PATE3: variants seen among roughly 807,000 people sequenced by gnomAD.
The protein encoded by PATE3 is prostate and testis expressed protein 3.
PATE3 carries 7 observed loss-of-function variants against 7.4 expected under a neutral mutation model. That is an observed-to-expected ratio of 0.95 (90% confidence interval 0.54 to 1.78). The LOEUF is 1.78. PATE3 is among the 40% of genes most tolerant of loss of function. The pLI is 0.00. For missense variants in PATE3, 117 were observed against 122.5 expected, an observed-to-expected ratio of 0.96 and a Z score of 0.21; for synonymous variants, 38 against 40.2, an observed-to-expected ratio of 0.94 and a Z score of 0.21.
rs1044557298 is a variant in PATE3, at chr11:125,790,872, C to T, written c.*270C>T. 3.6e-6 allele frequency: 1 copy of T among 280,552 alleles called. No individual in the cohort carries two copies. Among genetic ancestry groups the T allele is most frequent in the African/African-American group, 2.2e-5 (1 of 45,916 alleles). 17.4% of individuals were successfully genotyped at this position (280,552 alleles called of 1,614,324 possible). ...TCCAAGAAACCTGCCCCAAGAGTTC[C>T]TGTACAGTAAAATTTAAAGCAGGAA... is the stretch of plus-strand genomic sequence containing the variant. On this transcript the variant is annotated 3_prime_UTR_variant, in exon 3 of 3. Transcript: ENST00000445202.
chr11:125,788,428 T>G (rs1943582703), intron 1 of PATE3, among the ~76,000 whole-genome samples: 1 of 152,052 alleles, frequency 6.6e-6, no homozygotes, highest in African/African-American at 2.4e-5. Flanking sequence ...CCCTTTTAAC[T>G]CATTTTCTCC....
chr11:125,790,556 A>C lies in PATE3; in HGVS notation c.251A>C (p.Tyr84Ser), dbSNP rs970702229. The C allele has an allele frequency of 6.4e-7, 1 of 1,551,266 alleles. No homozygotes were observed. The highest frequency in any genetic ancestry group is 1.4e-5 in the African/African-American group (1 of 73,026). The change falls in exon 3 of 3, where the codon TAT becomes TCT. Residue 84 changes from tyrosine (Y) to serine (S), a missense_variant. Transcript: ENST00000445202. ...ACATTTGATCTCAGGAATCGGACTTATGTTCATACATGCTGCAACTACAAT... is the reference window on the plus strand; with the variant it reads ...ACATTTGATCTCAGGAATCGGACTTCTGTTCATACATGCTGCAACTACAAT... ...DMTFDLRNRT[Y>S]VHTCCNYNYC...
At chr11:125,788,265 T>C in intron 1 of PATE3, 65 bp downstream of exon 1, 3 of 1,431,322 alleles carry the variant, frequency 2.1e-6, no homozygotes, top group South Asian at 2.5e-5. Flanking sequence ...GGAAACTACA[T>C]GTGTAGCATG....
intron 2 of PATE3, among the ~76,000 whole-genome samples, chr11:125,790,152 G>A (rs898950161): frequency 6.6e-6 from 1 of 152,206 alleles, no homozygotes; most frequent in African/African-American, 2.4e-5. Context: ...GTGGTGGAAG[G>A]AGAGGATGAA....
intron 1 of PATE3, 115 bp from the exon 2 acceptor site, chr11:125,789,271 T>C: frequency 1.8e-6 from 2 of 1,084,198 alleles, no homozygotes; most frequent in Non-Finnish European, 1.3e-6. Context: ...AACCAGTAGC[T>C]CTTCATCTGC....
chr11:125,790,360 G>A (rs962750225), intron 2 of PATE3, 118 bp from the exon 3 acceptor site: 13 of 1,012,706 alleles, frequency 1.3e-5, no homozygotes, highest in Non-Finnish European at 1.8e-5. Flanking sequence ...TATAAGCTGG[G>A]AAGCCATTCC....
chr11:125,789,381 T>C lies in PATE3; in HGVS notation c.50-5T>C. The C allele has an allele frequency of 1.9e-6, 3 of 1,551,034 alleles. No homozygotes were observed. The highest frequency in any genetic ancestry group is 2.6e-6 in the Non-Finnish European group (3 of 1,146,486). Reference sequence around the variant, plus strand: ...AGTCTCACACCATCTCTATGCTCTCTCCAGCAGTGACATCACTTCAGTGCA... The same window carrying C: ...AGTCTCACACCATCTCTATGCTCTCCCCAGCAGTGACATCACTTCAGTGCA... On this transcript the variant is annotated splice_region_variant and splice_polypyrimidine_tract_variant and intron_variant, in intron 1 of 2. Coordinates refer to ENST00000445202, the MANE Select transcript of PATE3 (RefSeq NM_001129883.4).
intron 1 of PATE3, among the ~76,000 whole-genome samples, chr11:125,788,946 T>A (rs974676947): frequency 6.6e-6 from 1 of 152,210 alleles, no homozygotes; most frequent in Non-Finnish European, 1.5e-5. Flanking sequence ...TTATTGATGA[T>A]GCCTTTATGT....
In PATE3 at chr11:125,790,965, A is replaced by G. The variant is rs924289943; in HGVS notation, c.*363A>G. 7 of 160,778 alleles carry G rather than the reference A, an allele frequency of 4.4e-5. No individual in the cohort carries two copies. Among genetic ancestry groups the G allele is most frequent in the African/African-American group, 1.7e-4 (7 of 41,800 alleles). The allele number at this position is 160,778 out of a possible 1,614,324, so 10.0% of individuals were successfully genotyped here. A position where few individuals can be genotyped will look rare whatever the true frequency, so the allele number is the denominator to read the frequency against. On this transcript the variant is annotated 3_prime_UTR_variant, in exon 3 of 3. Transcript: ENST00000445202. ...GAAAGCCTTCAGCTAAAAATTCACA[A>G]TATTTTTATCTAAAATTCCCATGTA...
chr11:125,788,234 A>G, intron 1 of PATE3, 34 bp downstream of exon 1: 1 of 1,537,100 alleles, frequency 6.5e-7, no homozygotes, highest in South Asian at 1.2e-5. Context: ...TACTTGAGAG[A>G]CAGGATCTAG....
Position 125,788,207 on chromosome 11 carries a change from C to G in PATE3, c.49+7C>G, listed in dbSNP as rs1332493424. On this transcript the variant is annotated splice_region_variant and intron_variant, in intron 1 of 2. Transcript: ENST00000445202. ...CTTTACTGCCTCATTGTGGGTGAGTCCTGGACCTGAGGGGTATACTTGAGA... is the reference window on the plus strand; with the variant it reads ...CTTTACTGCCTCATTGTGGGTGAGTGCTGGACCTGAGGGGTATACTTGAGA... 6.5e-7 allele frequency: 1 copy of G among 1,550,296 alleles called. No individual in the cohort carries two copies. Among genetic ancestry groups the G allele is most frequent in the Admixed American group, 2.0e-5 (1 of 50,996 alleles).
At chr11:125,790,072 T>C (rs932556141) in intron 2 of PATE3, among the ~76,000 whole-genome samples, 5 of 152,140 alleles carry the variant, frequency 3.3e-5, no homozygotes, top group Non-Finnish European at 5.9e-5. Flanking sequence ...TAATCATGTA[T>C]AGGAGCTAAA....
In PATE3 at chr11:125,788,138, A is replaced by G; in HGVS notation, c.-14A>G. 6.4e-7 allele frequency: 1 copy of G among 1,551,016 alleles called. No individual in the cohort carries two copies. The highest frequency in any genetic ancestry group is 2.0e-5 in the Admixed American group (1 of 50,982). ...CTAGCTTCTTTTTCCTGCACAAGGG[A>G]TTTCCGGGTCAGGATGAACAAACAC... On this transcript the variant is annotated 5_prime_UTR_variant, in exon 1 of 3. Coordinates refer to ENST00000445202, the MANE Select transcript of PATE3 (RefSeq NM_001129883.4).
At chr11:125,789,548 G>C in intron 2 of PATE3, 40 bp downstream of exon 2, 4 of 1,532,644 alleles carry the variant, frequency 2.6e-6, no homozygotes, top group Non-Finnish European at 3.5e-6. Flanking sequence ...AAGATTCTTA[G>C]AATTCTTAGG....
At position 125,790,599 on chromosome 11, in the gene PATE3, C is replaced by A. The variant is rs578114944; in HGVS notation, c.294C>A (p.Leu98=). 6.4e-7 allele frequency: 1 copy of A among 1,551,192 alleles called. No individual in the cohort carries two copies. Among genetic ancestry groups the A allele is most frequent in the Admixed American group, 2.0e-5 (1 of 50,976 alleles). ...ACTACAATTACTGTAACTTTAAACTCTAAGATATTTGCCCTCCTGAGGTCT... is the reference window on the plus strand; with the variant it reads ...ACTACAATTACTGTAACTTTAAACTATAAGATATTTGCCCTCCTGAGGTCT... ...CCNYNYCNFK[L] The change falls in exon 3 of 3, where the codon CTC becomes CTA. Residue 98 remains leucine, a synonymous_variant. Coordinates refer to ENST00000445202, the MANE Select transcript of PATE3 (RefSeq NM_001129883.4).
At position 125,790,706 on chromosome 11, in the gene PATE3, C is replaced by T. The variant is rs574210951; in HGVS notation, c.*104C>T. Reference sequence around the variant, plus strand: ...CCTTCCGTGTCTGTCCTGACAATACCCCTGCCCTCGCATTAACCTAAGAAG... The same window carrying T: ...CCTTCCGTGTCTGTCCTGACAATACTCCTGCCCTCGCATTAACCTAAGAAG... On this transcript the variant is annotated 3_prime_UTR_variant, in exon 3 of 3. Transcript: ENST00000445202. The T allele has an allele frequency of 1.3e-5, 16 of 1,209,578 alleles. No homozygotes were observed. Among genetic ancestry groups the T allele is most frequent in the Non-Finnish European group, 1.8e-5 (16 of 878,074 alleles). 74.9% of individuals were successfully genotyped at this position (1,209,578 alleles called of 1,614,324 possible).
At position 125,790,867 on chromosome 11, in the gene PATE3, A is replaced by G; in HGVS notation, c.*265A>G. The G allele has an allele frequency of 3.1e-6, 1 of 317,478 alleles. No individual in the cohort carries two copies. Among genetic ancestry groups the G allele is most frequent in the Non-Finnish European group, 5.7e-6 (1 of 175,188 alleles). 19.7% of individuals were successfully genotyped at this position (317,478 alleles called of 1,614,324 possible). A position where few individuals can be genotyped will look rare whatever the true frequency, so the allele number is the denominator to read the frequency against. ...CATATTCCAAGAAACCTGCCCCAAG[A>G]GTTCCTGTACAGTAAAATTTAAAGC... On this transcript the variant is annotated 3_prime_UTR_variant, in exon 3 of 3. Transcript: ENST00000445202.
In PATE3 at chr11:125,790,500, C is replaced by A. The variant is rs1259023884; in HGVS notation, c.195C>A (p.Tyr65Ter). The change falls in exon 3 of 3, where the codon TAC becomes TAA. Residue 65 changes from tyrosine (Y) to a stop codon, truncating the protein, a stop_gained. Transcript: ENST00000445202. LOFTEE classifies it low-confidence loss of function (END_TRUNC). ...IYQRNTLQISYMVCQKFCRDM... is the reference protein window; with the variant it reads ...IYQRNTLQIS ...TAGGCAATACTCTCCAGATATCATA[C>A]ATGGTGTGTCAGAAATTCTGCAGAG... 1 of 1,550,202 alleles carries A rather than the reference C, an allele frequency of 6.5e-7. No individual in the cohort carries two copies. The highest frequency in any genetic ancestry group is 1.4e-5 in the African/African-American group (1 of 73,156).
At chr11:125,789,245 A>T in intron 1 of PATE3, 141 bp from the exon 2 acceptor site, 1 of 759,656 alleles carries the variant, frequency 1.3e-6, no homozygotes, top group South Asian at 2.3e-5. Flanking sequence ...CCAACTGTTT[A>T]CCGCCTAAAT....
Sources: allele counts gnomAD v4.1 joint callset (sites outside exome capture counted in the v4.1 genomes callset), GRCh38; gene constraint gnomAD v4.1.1; transcripts MANE v1.5; gene names NCBI Gene and HGNC (gene_info 2026-07-23, HGNC 2026-07-21).